The following TSC1 variants were observed in gnomAD, a reference collection of about 807,000 sequenced individuals.
TSC1 encodes TSC complex subunit 1, also known as hamartin.
Under a neutral mutation model 124.3 loss-of-function variants are expected in TSC1, and 20 were observed. That is an observed-to-expected ratio of 0.16 (90% CI 0.11 to 0.23). The LOEUF is 0.23. Ranked by LOEUF, TSC1 falls within the 10% of genes least tolerant of loss-of-function variation. The pLI is 1.00. For missense variants in TSC1, 1,124 were observed against 1,448.5 expected (o/e 0.78, Z 3.64); for synonymous variants, 493 against 539.1 (o/e 0.91, Z 1.19).
Position 132,901,657 on chromosome 9 carries a change from T to C in TSC1, c.2434A>G (p.Ile812Val), listed in dbSNP as rs751128287. ...TTGTTGTTGGCCTTCTTCAGTTCTA[T>C]CCGCAGCTCCGCAATCATGTTCCTG... ...DCRNMIAELR[I>V]ELKKANNKVC... Residue 812 changes from isoleucine to valine, a missense_variant, in exon 19 of 23, where the codon ATA becomes GTA. Transcript: ENST00000298552. 7 of 1,614,140 alleles carry C rather than the reference T, an allele frequency of 4.3e-6. No individual in the cohort carries two copies. In the South Asian group the frequency reaches 7.7e-5, roughly 18 times the overall value.
intron 19 of TSC1, 55 bp downstream of exon 19, chr9:132,901,534 A>G: frequency 6.8e-7 from 1 of 1,475,672 alleles, no homozygotes; most frequent in Non-Finnish European, 9.4e-7. Context: ...GTCTGAAGGA[A>G]GAATGTTAGC....
At chr9:132,943,442 C>T (rs1285733490) in intron 1 of TSC1, 1 of 152,156 alleles carries the variant, frequency 6.6e-6, no homozygotes, top group Non-Finnish European at 1.5e-5. Context: ...TAAACCTTGG[C>T]TAAATGATAA....
At chr9:132,911,324 A>G (rs1289215680) in intron 10 of TSC1, 129 bp downstream of exon 10, 4 of 866,500 alleles carry the variant, frequency 4.6e-6, no homozygotes, top group Non-Finnish European at 6.0e-6. Context: ...TGCTAATATC[A>G]TGGATCCTTA....
At position 132,937,592 on chromosome 9, in the gene TSC1, A is replaced by T. The variant is rs78965681; in HGVS notation, c.-143-2497T>A. ...TTACCTGAAAAGAAATATCTAAGGC[A>T]AGGGTAAAATTAGGATCTACGCTAG... On this transcript the variant is annotated intron_variant, in intron 1 of 22. Transcript: ENST00000298552. Among the ~76,000 whole-genome samples the T allele has an allele frequency of 3.2e-3, 493 of 152,342 alleles. 4 individuals carry two copies. Among genetic ancestry groups the T allele is most frequent in the African/African-American group, 0.011 (461 of 41,554 alleles).
At chr9:132,904,390 G>A (rs1329110666) in intron 16 of TSC1, 21 bp downstream of exon 16, 7 of 1,613,670 alleles carry the variant, frequency 4.3e-6, no homozygotes, top group Non-Finnish European at 5.9e-6. Flanking sequence ...GCTGGATTTG[G>A]AGCTAAAGTA....
At chr9:132,904,535 TTAGA>T in intron 15 of TSC1, 81 bp from the exon 16 acceptor site, 1 of 1,373,694 alleles carries the variant, frequency 7.3e-7, no homozygotes, top group Non-Finnish European at 1.0e-6. Context: ...TGCAGCAAAG[TTAGA>T]TCACTTCCTT....
At chr9:132,907,497 CTT>C in intron 12 of TSC1, 127 bp from the exon 13 acceptor site, 1 of 798,930 alleles carries the variant, frequency 1.3e-6, no homozygotes, top group Non-Finnish European at 2.1e-6. Flanking sequence ...GTTTTCTTTT[CTT>C]TTTTTTTGAG....
chr9:132,898,599 C>A (rs928743258), intron 20 of TSC1, among the ~76,000 whole-genome samples: 1 of 152,202 alleles, frequency 6.6e-6, no homozygotes, highest in Admixed American at 6.5e-5. Flanking sequence ...AATGGCTCGA[C>A]TTCAGCACAG....
In TSC1 at chr9:132,903,072, C is replaced by T. The variant is rs1372894699; in HGVS notation, c.2209-285G>A. Among the ~76,000 whole-genome samples, 1 of 152,208 alleles carries T rather than the reference C, an allele frequency of 6.6e-6. No homozygotes were observed. Among genetic ancestry groups the T allele is most frequent in the African/African-American group, 2.4e-5 (1 of 41,444 alleles). ...GACTACCAACACTGGAATAAAATCT[C>T]TCAAACATGGTACTAAGTTCACTGA... On this transcript the variant is annotated intron_variant, in intron 17 of 22. Transcript: ENST00000298552. This position sits in a 1 kb window ranked among gnomAD's most constrained non-coding sequence, Gnocchi z 5.9.
chr9:132,897,745 C>G, intron 20 of TSC1, 135 bp from the exon 21 acceptor site: 1 of 1,206,748 alleles, frequency 8.3e-7, no homozygotes, highest in Non-Finnish European at 1.1e-6. Flanking sequence ...TAAACTAGTA[C>G]AACTTTATGG....
chr9:132,925,940 G>T, intron 4 of TSC1: 1 of 660,676 alleles, frequency 1.5e-6, no homozygotes, highest in Non-Finnish European at 2.5e-6. Context: ...ACAAAAGGCA[G>T]CCAGTTTGCA....
intron 12 of TSC1, 107 bp downstream of exon 12, chr9:132,910,464 G>C (rs1259726530): frequency 1.3e-6 from 2 of 1,580,362 alleles, no homozygotes; most frequent in South Asian, 2.2e-5. Context: ...CAAACCCATT[G>C]CATTTTAGGT....
intron 1 of TSC1, chr9:132,939,296 G>T (rs4469592): frequency 0.093 from 14,154 of 152,266 alleles, 658 homozygotes; most frequent in African/African-American, 0.11. Context: ...AGGAAAAAAG[G>T]GTAGGAAATA....
In TSC1 at chr9:132,897,578, T is replaced by C. The variant is rs368212910; in HGVS notation, c.2658A>G (p.Lys886=). ...EVEMMKAAYR[K]ELEKNRSHVL... is the part of the protein sequence containing the mutation. Reference sequence around the variant, plus strand: ...CATGGCTTCTGTTTTTTTCTAGCTCTTTCCGATAGGCGGCTTTCATCATTT... The same window carrying C: ...CATGGCTTCTGTTTTTTTCTAGCTCCTTCCGATAGGCGGCTTTCATCATTT... Residue 886 remains lysine (K), a synonymous_variant, in exon 21 of 23, where the codon AAA becomes AAG. Transcript: ENST00000298552. 26 of 1,597,812 alleles carry C rather than the reference T, an allele frequency of 1.6e-5. No individual in the cohort carries two copies. Among genetic ancestry groups the C allele is most frequent in the Non-Finnish European group, 2.1e-5 (25 of 1,175,980 alleles).
chr9:132,915,090 G>A (rs759007588), intron 8 of TSC1, among the ~76,000 whole-genome samples: 9 of 151,932 alleles, frequency 5.9e-5, no homozygotes, highest in African/African-American at 1.7e-4. Flanking sequence ...GGAGGCTGAC[G>A]TGGGAGGATA....
At position 132,900,658 on chromosome 9, in the gene TSC1, C is replaced by T. The variant is rs1206684365; in HGVS notation, c.2625+57G>A. On this transcript the variant is annotated intron_variant, in intron 20 of 22. Transcript: ENST00000298552. ...TTCTCTATGCCATGCGGGAGACATA[C>T]TGTCTGGGTCTGAAACGCTTTCCCC... The T allele has an allele frequency of 6.8e-6, 11 of 1,610,798 alleles. No individual in the cohort carries two copies. In the East Asian group the frequency reaches 2.2e-4, roughly 33 times the overall value.
upstream of TSC1, chr9:132,944,640 G>T (rs1016991070): frequency 1.0e-5 from 4 of 398,678 alleles, no homozygotes; most frequent in African/African-American, 2.1e-5. Context: ...TCGTGAAAGG[G>T]CCAAGGCCGA....
At chr9:132,911,391 C>T in intron 10 of TSC1, 62 bp downstream of exon 10, 1 of 1,328,902 alleles carries the variant, frequency 7.5e-7, no homozygotes, top group African/African-American at 1.4e-5. Flanking sequence ...CTAAATCTGA[C>T]CCAAAGGGTC....
At chr9:132,919,729 T>A (rs1161983369) in intron 8 of TSC1, among the ~76,000 whole-genome samples, 1 of 152,120 alleles carries the variant, frequency 6.6e-6, no homozygotes, top group East Asian at 1.9e-4. Flanking sequence ...CCCAGGAGAC[T>A]AGGATGACAG....
Sources: allele counts gnomAD v4.1 joint callset (sites outside exome capture counted in the v4.1 genomes callset), GRCh38; gene constraint gnomAD v4.1.1; non-coding constraint Gnocchi (gnomAD v3.1); transcripts MANE v1.5; gene names NCBI Gene and HGNC (gene_info 2026-07-23, HGNC 2026-07-21).